The following KNTC1 variants were observed in gnomAD, a reference collection of about 807,000 sequenced individuals.
KNTC1 encodes the protein kinetochore associated 1.
In KNTC1, 253 loss-of-function variants were observed where a neutral mutation model predicts 314.4. That is an observed-to-expected ratio of 0.80 (90% confidence interval 0.73 to 0.89). KNTC1 has a LOEUF of 0.89. Ranked by LOEUF, KNTC1 falls within the 40% of genes least tolerant of loss-of-function variation. The pLI is 0.00. For synonymous variants in KNTC1, 901 were observed against 901.4 expected, an observed-to-expected ratio of 1.00 and a Z score of 0.01; for missense variants, 2,475 against 2,572.9, an observed-to-expected ratio of 0.96 and a Z score of 0.82.
intron 1 of KNTC1, among the ~76,000 whole-genome samples, chr12:122,528,176 G>C (rs1960921532): frequency 6.6e-6 from 1 of 152,142 alleles, no homozygotes; most frequent in African/African-American, 2.4e-5. Flanking sequence ...GTTACGGGCG[G>C]TTTCTCTATT....
chr12:122,552,510 G>A (rs1253109319), intron 16 of KNTC1, among the ~76,000 whole-genome samples: 1 of 152,018 alleles, frequency 6.6e-6, no homozygotes, highest in African/African-American at 2.4e-5. Context: ...GACTATAGTT[G>A]CATACCACCA....
chr12:122,551,089 C>T (rs1486038829), intron 13 of KNTC1, among the ~76,000 whole-genome samples: 1 of 151,844 alleles, frequency 6.6e-6, no homozygotes, highest in Non-Finnish European at 1.5e-5. Flanking sequence ...TAGAAAGTAA[C>T]CTATGTGATA....
rs1382922413 is a variant in KNTC1, at chr12:122,573,290, C to T, written c.2283+5C>T. 6.2e-7 allele frequency: 1 copy of T among 1,611,876 alleles called. No homozygotes were observed. Among genetic ancestry groups the T allele is most frequent in the African/African-American group, 1.3e-5 (1 of 74,812 alleles). ...CTTCTCTTGCTGTACATAGAGGTAA[C>T]TTTTCCTTTACATCTAGTCTTATTT... is the stretch of plus-strand genomic sequence containing the variant. On this transcript the variant is annotated splice_donor_5th_base_variant and intron_variant, in intron 26 of 63. Transcript: ENST00000333479.
chr12:122,546,064 T>A, intron 8 of KNTC1, 112 bp from the exon 9 acceptor site: 1 of 680,732 alleles, frequency 1.5e-6, no homozygotes, highest in Non-Finnish European at 2.6e-6. Context: ...AGTTAGAATA[T>A]GTAAATATAT....
chr12:122,541,219 T>G (rs1962284616), intron 5 of KNTC1, among the ~76,000 whole-genome samples: 1 of 151,532 alleles, frequency 6.6e-6, no homozygotes, highest in Non-Finnish European at 1.5e-5. Flanking sequence ...ACCTTCAAAT[T>G]GACATATTTT....
intron 58 of KNTC1, 21 bp from the exon 59 acceptor site, chr12:122,618,461 G>GTTTTTTTTT: frequency 6.4e-7 from 1 of 1,558,954 alleles, no homozygotes; most frequent in African/African-American, 1.4e-5. Context: ...TATCATGGTT[G>GTTTTTTTTT]TTTTTTTGTT....
At chr12:122,623,572 G>A (rs1049051164) in intron 62 of KNTC1, among the ~76,000 whole-genome samples, 2 of 152,152 alleles carry the variant, frequency 1.3e-5, no homozygotes, top group African/African-American at 4.8e-5. Flanking sequence ...CATACTTGAA[G>A]TCTGCAATTT....
Position 122,576,015 on chromosome 12 carries a change from T to C in KNTC1, c.2586+116T>C, listed in dbSNP as rs111463873. 1,323 of 1,240,952 alleles carry C rather than the reference T, an allele frequency of 1.1e-3. 2 individuals are homozygous for C. The highest frequency in any genetic ancestry group is 1.4e-3 in the Non-Finnish European group (1,253 of 916,612). 76.9% of individuals were successfully genotyped at this position (1,240,952 alleles called of 1,614,324 possible). A position where few individuals can be genotyped will look rare whatever the true frequency, so the allele number is the denominator to read the frequency against. On this transcript the variant is annotated intron_variant, in intron 29 of 63. Transcript: ENST00000333479. ...TAGAGCTAGGTTTTTCCACTACATT[T>C]CTTTTGTTAGATATGATGTTAATAA... is the stretch of plus-strand genomic sequence containing the variant.
intron 43 of KNTC1, among the ~76,000 whole-genome samples, chr12:122,596,950 T>G (rs1871135327): frequency 6.6e-6 from 1 of 152,216 alleles, no homozygotes; most frequent in African/African-American, 2.4e-5. Context: ...TTACTAATTT[T>G]GTTTGGTTTG....
At chr12:122,530,731 G>A (rs553789676) in intron 2 of KNTC1, among the ~76,000 whole-genome samples, 1 of 152,162 alleles carries the variant, frequency 6.6e-6, no homozygotes, top group East Asian at 1.9e-4. Flanking sequence ...GATTACAGGT[G>A]TGAGCCATCA....
chr12:122,582,382 A>G (rs927099709), intron 33 of KNTC1, among the ~76,000 whole-genome samples: 1 of 152,118 alleles, frequency 6.6e-6, no homozygotes, highest in Admixed American at 6.6e-5. Flanking sequence ...ATACCACTGC[A>G]CTCCAGCCTG....
chr12:122,527,313 A>T lies in KNTC1; in HGVS notation c.-112A>T, dbSNP rs1483388719. 5.2e-6 allele frequency: 1 copy of T among 192,334 alleles called. No homozygotes were observed. Among genetic ancestry groups the T allele is most frequent in the Admixed American group, 5.9e-5 (1 of 16,940 alleles). 11.9% of individuals were successfully genotyped at this position (192,334 alleles called of 1,614,324 possible). A position where few individuals can be genotyped will look rare whatever the true frequency, so the allele number is the denominator to read the frequency against. On this transcript the variant is annotated 5_prime_UTR_variant, in exon 1 of 64. Coordinates refer to ENST00000333479, the MANE Select transcript of KNTC1 (RefSeq NM_014708.6). ...GTTGTGTGAGTCAGGAAGAGGGGCC[A>T]GATATCTGAGTGTTCCTCTTTAGTT... is the stretch of plus-strand genomic sequence containing the variant.
At position 122,608,693 on chromosome 12, in the gene KNTC1, A is replaced by T. The variant is rs565811919; in HGVS notation, c.5497-691A>T. Among the ~76,000 whole-genome samples, 5 of 152,276 alleles carry T rather than the reference A, an allele frequency of 3.3e-5. No homozygotes were observed. In the South Asian group the frequency reaches 1.0e-3, roughly 32 times the overall value. The stretch of plus-strand genomic sequence containing the variant: ...TAGCACCTAGTACAGTACTTTGTAA[A>T]TCCCAACAGATATATACTGAATTAA... On this transcript the variant is annotated intron_variant, in intron 51 of 63. Coordinates refer to ENST00000333479, the MANE Select transcript of KNTC1 (RefSeq NM_014708.6).
chr12:122,572,525 A>G (rs1275355958), intron 24 of KNTC1, among the ~76,000 whole-genome samples: 1 of 152,152 alleles, frequency 6.6e-6, no homozygotes, highest in Non-Finnish European at 1.5e-5. Flanking sequence ...CATTATTTTT[A>G]TCTTTTCCCT....
rs546663735 is a variant in KNTC1, at chr12:122,604,731, T to C, written c.5175+94T>C. On this transcript the variant is annotated intron_variant, in intron 49 of 63. Transcript: ENST00000333479. Reference sequence around the variant, plus strand: ...TCTCATGCTGCCCTGGTGCCTAAAATGGAGAAGGAAGACCAAGGCTTTATG... The same window carrying C: ...TCTCATGCTGCCCTGGTGCCTAAAACGGAGAAGGAAGACCAAGGCTTTATG... 1.3e-5 allele frequency: 16 copies of C among 1,233,908 alleles called. No homozygotes were observed. The East Asian group carries it at 3.5e-4, about 27-fold the overall frequency. 76.4% of individuals were successfully genotyped at this position (1,233,908 alleles called of 1,614,324 possible).
Position 122,542,098 on chromosome 12 carries a change from C to A in KNTC1, c.494C>A (p.Thr165Lys). The change falls in exon 6 of 64, where the codon ACA (threonine) becomes AAA (lysine). Residue 165 changes from threonine to lysine, a missense_variant. Coordinates refer to ENST00000333479, the MANE Select transcript of KNTC1 (RefSeq NM_014708.6). ...LLTYSGFFCI[T>K]NLQLLKIQQA... ...ACATACAGTGGATTTTTTTGTATTA[C>A]AAACCTTCAGCTTTTAAAAATTCAA... 6.5e-7 allele frequency: 1 copy of A among 1,529,880 alleles called. No homozygotes were observed. Among genetic ancestry groups the A allele is most frequent in the Non-Finnish European group, 8.9e-7 (1 of 1,121,200 alleles). 94.8% of individuals were successfully genotyped at this position (1,529,880 alleles called of 1,614,324 possible). A position where few individuals can be genotyped will look rare whatever the true frequency, so the allele number is the denominator to read the frequency against.
chr12:122,565,655 G>A (rs1347349302), intron 20 of KNTC1, among the ~76,000 whole-genome samples: 1 of 152,002 alleles, frequency 6.6e-6, no homozygotes, highest in Non-Finnish European at 1.5e-5. Context: ...GGGAGGCTGA[G>A]GTAGGCGGAT....
chr12:122,569,613 T>C, intron 21 of KNTC1, 68 bp from the exon 22 acceptor site: 1 of 1,389,982 alleles, frequency 7.2e-7, no homozygotes, highest in Non-Finnish European at 1.0e-6. Context: ...TAAAATATCT[T>C]TGTCAAACAT....
chr12:122,569,735 A>G lies in KNTC1; in HGVS notation c.1771A>G (p.Met591Val), dbSNP rs1444537448. The G allele has an allele frequency of 3.1e-6, 5 of 1,613,544 alleles. No individual in the cohort carries two copies. The highest frequency in any genetic ancestry group is 3.3e-5 in the Admixed American group (2 of 59,976). The stretch of plus-strand genomic sequence containing the variant: ...AATGCTGGAGAGCTTGCTCAACTCA[A>G]TGTCTGCATCAGTCTCTTTGCAAAA... ...VKMLESLLNS[M>V]SASVSLQKLC... is the part of the protein sequence containing the mutation. The change falls in exon 22 of 64, where the codon ATG becomes GTG. Residue 591 changes from methionine (M) to valine (V), a missense_variant. Physicochemically the swap from Met to Val is conservative, Grantham distance 21 (BLOSUM62 1). Transcript: ENST00000333479.
Sources: gnomAD v4.1 joint callset for allele counts (sites outside exome capture counted in the v4.1 genomes callset) on GRCh38, gnomAD v4.1.1 for gene constraint, MANE v1.5 for transcripts, NCBI Gene and HGNC (gene_info 2026-07-23, HGNC 2026-07-21) for gene names.